Variants in MAN2B2 observed in about 807,000 individuals in gnomAD.
MAN2B2 encodes epididymis-specific alpha-mannosidase.
A neutral mutation model predicts 117.1 loss-of-function variants in MAN2B2; 106 were observed. That is an observed-to-expected ratio of 0.90 (90% CI 0.77 to 1.06). The LOEUF (loss-of-function observed/expected upper bound fraction) is 1.06. Ranked by LOEUF, MAN2B2 falls within the 50% of genes least tolerant of loss-of-function variation. MAN2B2 has a pLI of 0.00. For missense variants in MAN2B2, 1,326 were observed against 1,381.4 expected, an observed-to-expected ratio of 0.96 and a Z score of 0.64; for synonymous variants, 544 against 595.1, an observed-to-expected ratio of 0.91 and a Z score of 1.25.
At chr4:6,607,662 T>G (rs544107219) in intron 11 of MAN2B2, among the ~76,000 whole-genome samples, 1 of 152,368 alleles carries the variant, frequency 6.6e-6, no homozygotes, top group South Asian at 2.1e-4. Context: ...TTCCACGTTT[T>G]AGCCACTATC....
At chr4:6,581,535 G>T (rs562549831) in intron 3 of MAN2B2, among the ~76,000 whole-genome samples, 1 of 152,082 alleles carries the variant, frequency 6.6e-6, no homozygotes, top group South Asian at 2.1e-4. Context: ...TTCTGGCTGT[G>T]AATTATGTCC....
At chr4:6,587,433 G>T (rs566822961) in intron 4 of MAN2B2, among the ~76,000 whole-genome samples, 3 of 152,298 alleles carry the variant, frequency 2.0e-5, no homozygotes, top group Non-Finnish European at 2.9e-5. Context: ...CATCAGCTGG[G>T]CCTGAGGCGG....
intron 11 of MAN2B2, 52 bp from the exon 12 acceptor site, chr4:6,609,055 G>A (rs371503516): frequency 1.2e-4 from 193 of 1,545,630 alleles, no homozygotes; most frequent in Non-Finnish European, 1.6e-4. Context: ...GCCGGTGTCT[G>A]TAAGACCTTG....
chr4:6,609,712 C>G, intron 12 of MAN2B2, 86 bp from the exon 13 acceptor site: 1 of 1,385,764 alleles, frequency 7.2e-7, no homozygotes, highest in South Asian at 1.3e-5. Flanking sequence ...CCCTGCCCAC[C>G]CTGCCCACAT....
intron 9 of MAN2B2, 49 bp from the exon 10 acceptor site, chr4:6,600,574 C>T (rs1727286567): frequency 2.5e-6 from 4 of 1,601,492 alleles, no homozygotes; most frequent in Non-Finnish European, 3.4e-6. Flanking sequence ...GCACCCCATT[C>T]CAGAAGGTGA....
At chr4:6,603,133 AG>A (rs1727394340) in intron 10 of MAN2B2, among the ~76,000 whole-genome samples, 1 of 152,168 alleles carries the variant, frequency 6.6e-6, no homozygotes, top group African/African-American at 2.4e-5. Context: ...GGAATCTTAA[AG>A]GGGTGCTTTA....
chr4:6,616,046 C>T (rs529891970), intron 16 of MAN2B2, among the ~76,000 whole-genome samples: 5 of 152,130 alleles, frequency 3.3e-5, no homozygotes, highest in Non-Finnish European at 7.3e-5. Flanking sequence ...GCAGGCAATC[C>T]GCCCTCCTTG....
chr4:6,609,721 A>G, intron 12 of MAN2B2, 77 bp from the exon 13 acceptor site: 14 of 1,085,686 alleles, frequency 1.3e-5, no homozygotes, highest in Non-Finnish European at 1.6e-5. Flanking sequence ...CCCTGCCCAC[A>G]TGAAGGAAGG....
In MAN2B2 at chr4:6,598,868, G is replaced by A. The variant is rs567362345; in HGVS notation, c.1405+514G>A. On this transcript the variant is annotated intron_variant, in intron 9 of 18. Coordinates refer to ENST00000285599, the MANE Select transcript of MAN2B2 (RefSeq NM_015274.3). ...GGCACTCCCTCCCGAACTCCACTTG[G>A]CTGACATCACAGCAGGGCAGCCGTG... Among the ~76,000 whole-genome samples, 81 of 152,290 alleles carry A rather than the reference G, an allele frequency of 5.3e-4. No homozygotes were observed. The South Asian group carries it at 0.016, about 30-fold the overall frequency.
intron 3 of MAN2B2, 33 bp downstream of exon 3, chr4:6,578,531 T>G (rs372146082): frequency 3.1e-5 from 49 of 1,558,866 alleles, no homozygotes; most frequent in Non-Finnish European, 4.0e-5. Flanking sequence ...CCAGGGTCCC[T>G]CAGGACCTCC....
chr4:6,614,682 C>T (rs1280024887), intron 16 of MAN2B2, among the ~76,000 whole-genome samples: 1 of 152,236 alleles, frequency 6.6e-6, no homozygotes, highest in Non-Finnish European at 1.5e-5. Flanking sequence ...AGTCCTACTT[C>T]TTCCAGGGAA....
In MAN2B2 at chr4:6,609,085, C is replaced by A. The variant is rs368242337; in HGVS notation, c.1815-22C>A. On this transcript the variant is annotated intron_variant, in intron 11 of 18. Transcript: ENST00000285599. ...ACCTTGTGCAGGATGAGAATGACAT[C>A]TTCTCTCTCCTGCCTCTGCAGACAG... 18 of 1,602,220 alleles carry A rather than the reference C, an allele frequency of 1.1e-5. No individual in the cohort carries two copies. The African/African-American group carries it at 2.3e-4, about 20-fold the overall frequency.
At chr4:6,600,857 A>G (rs2108748139) in intron 10 of MAN2B2, 101 bp downstream of exon 10, 2 of 1,411,618 alleles carry the variant, frequency 1.4e-6, no homozygotes, top group Non-Finnish European at 1.9e-6. Context: ...AGGCCTTATC[A>G]CCTTTGTTTT....
intron 4 of MAN2B2, among the ~76,000 whole-genome samples, 174 bp downstream of exon 4, chr4:6,587,342 A>G (rs2108738873): frequency 6.6e-6 from 1 of 152,134 alleles, no homozygotes; most frequent in East Asian, 1.9e-4. Context: ...CTCCACCAGG[A>G]GGGCCCCCCT....
chr4:6,581,084 T>A (rs1371873242), intron 3 of MAN2B2, among the ~76,000 whole-genome samples: 1 of 152,180 alleles, frequency 6.6e-6, no homozygotes, highest in Non-Finnish European at 1.5e-5. Flanking sequence ...ACACGTATTT[T>A]TTTTTCAGTC....
chr4:6,610,622 A>G (rs1727732690), intron 13 of MAN2B2, among the ~76,000 whole-genome samples: 1 of 152,196 alleles, frequency 6.6e-6, no homozygotes, highest in Non-Finnish European at 1.5e-5. Flanking sequence ...TCCTTCATCA[A>G]AGGGTCATTC....
At chr4:6,585,135 C>T (rs1726583187) in intron 3 of MAN2B2, among the ~76,000 whole-genome samples, 1 of 152,118 alleles carries the variant, frequency 6.6e-6, no homozygotes, top group Non-Finnish European at 1.5e-5. Flanking sequence ...TCCCCCTGAT[C>T]CCCTCTCACC....
intron 4 of MAN2B2, among the ~76,000 whole-genome samples, chr4:6,588,179 A>G (rs188399580): frequency 6.6e-6 from 1 of 152,214 alleles, no homozygotes; most frequent in Non-Finnish European, 1.5e-5. Context: ...ATATTGTCCC[A>G]TGGTTCTGGA....
At position 6,614,215 on chromosome 4, in the gene MAN2B2, C is replaced by T. The variant is rs1478712259; in HGVS notation, c.2564-3C>T. The T allele has an allele frequency of 6.2e-7, 1 of 1,613,866 alleles. No individual in the cohort carries two copies. Among genetic ancestry groups the T allele is most frequent in the Non-Finnish European group, 8.5e-7 (1 of 1,179,848 alleles). ...CTCCTCACTCTGTCCATCTGCCTTG[C>T]AGGGACTGCGCCGAAGCTCCCAGGA... On this transcript the variant is annotated splice_polypyrimidine_tract_variant and splice_region_variant and intron_variant, in intron 15 of 18. Transcript: ENST00000285599.
Sources: allele counts gnomAD v4.1 joint callset (sites outside exome capture counted in the v4.1 genomes callset), GRCh38; gene constraint gnomAD v4.1.1; transcripts MANE v1.5; gene names NCBI Gene and HGNC (gene_info 2026-07-23, HGNC 2026-07-21).